TRPC7: variants seen among roughly 807,000 people sequenced by gnomAD.
TRPC7 encodes transient receptor potential cation channel subfamily C member 7.
Under a neutral mutation model 90.1 loss-of-function variants are expected in TRPC7, and 42 were observed. That is an observed-to-expected ratio of 0.47 (90% CI 0.36 to 0.60). The LOEUF is 0.60. Among genes scored for constraint, TRPC7 ranks in the 20% least tolerant of loss-of-function variants. The pLI is 0.00. For missense variants in TRPC7, 955 were observed against 1,112.3 expected (o/e 0.86, Z 2.01); for synonymous variants, 451 against 436.3 (o/e 1.03, Z -0.42).
chr5:136,315,421 G>C (rs989170560), intron 3 of TRPC7, among the ~76,000 whole-genome samples, 176 bp downstream of exon 3: 2 of 152,138 alleles, frequency 1.3e-5, no homozygotes, highest in Non-Finnish European at 2.9e-5. Flanking sequence ...GGAAGGGATG[G>C]TGGAGGGGAT....
chr5:136,352,470 A>G (rs1210300535), intron 2 of TRPC7, among the ~76,000 whole-genome samples: 2 of 152,140 alleles, frequency 1.3e-5, no homozygotes, highest in Admixed American at 6.5e-5. Context: ...ATTTTATCAT[A>G]AAGATGATCA....
chr5:136,259,901 G>C (rs1054453029), intron 5 of TRPC7, among the ~76,000 whole-genome samples: 4 of 152,138 alleles, frequency 2.6e-5, no homozygotes, highest in Non-Finnish European at 5.9e-5. Flanking sequence ...TTGCCTCTCT[G>C]GCTCTGTCTA....
chr5:136,266,063 G>A (rs895946232), intron 5 of TRPC7, among the ~76,000 whole-genome samples, 157 bp downstream of exon 5: 4 of 152,140 alleles, frequency 2.6e-5, no homozygotes, highest in Admixed American at 2.6e-4. Context: ...GTATCTTAAA[G>A]ACAGAAGTTG....
intron 1 of TRPC7, among the ~76,000 whole-genome samples, chr5:136,363,814 T>C (rs1405761996): frequency 6.6e-6 from 1 of 152,194 alleles, no homozygotes; most frequent in Non-Finnish European, 1.5e-5. Context: ...GCTTTGTATG[T>C]GCTTCTATTT....
At chr5:136,337,217 A>T (rs1013869303) in intron 2 of TRPC7, among the ~76,000 whole-genome samples, 1 of 152,180 alleles carries the variant, frequency 6.6e-6, no homozygotes, top group Non-Finnish European at 1.5e-5. Flanking sequence ...TGATGCACAG[A>T]CTCAACAGTA....
chr5:136,241,111 G>C (rs1351284297), intron 7 of TRPC7, among the ~76,000 whole-genome samples: 1 of 152,152 alleles, frequency 6.6e-6, no homozygotes. Context: ...GGCTGAATCA[G>C]TGCCTCCTGA....
At chr5:136,243,239 C>T (rs1756224371) in intron 7 of TRPC7, among the ~76,000 whole-genome samples, 1 of 152,018 alleles carries the variant, frequency 6.6e-6, no homozygotes, top group Non-Finnish European at 1.5e-5. Context: ...TGAAAAAGCT[C>T]CCTGTAGGTT....
chr5:136,264,845 C>A (rs1053186225), intron 5 of TRPC7, among the ~76,000 whole-genome samples: 3 of 152,168 alleles, frequency 2.0e-5, no homozygotes, highest in Non-Finnish European at 4.4e-5. Context: ...CCCCCTTCGG[C>A]CTTCCAAAGT....
intron 2 of TRPC7, among the ~76,000 whole-genome samples, chr5:136,355,729 C>G (rs1418360940): frequency 2.0e-5 from 3 of 152,130 alleles, no homozygotes; most frequent in Non-Finnish European, 4.4e-5. Context: ...ACCCAGGAGG[C>G]AGAGCTTGCA....
chr5:136,237,366 C>A (rs983731605), intron 7 of TRPC7, among the ~76,000 whole-genome samples: 2 of 152,208 alleles, frequency 1.3e-5, no homozygotes, highest in Non-Finnish European at 2.9e-5. Context: ...AGCCTGGGAA[C>A]TCTTGGAGGG....
At chr5:136,315,831 G>A (rs1759003041) in intron 2 of TRPC7, 52 bp from the exon 3 acceptor site, 4 of 1,563,848 alleles carry the variant, frequency 2.6e-6, no homozygotes, top group Non-Finnish European at 3.5e-6. Context: ...CCCGCAGATT[G>A]GCTTGCCCAG....
intron 2 of TRPC7, among the ~76,000 whole-genome samples, chr5:136,324,793 C>T (rs185093849): frequency 7.2e-4 from 110 of 152,290 alleles, no homozygotes; most frequent in Non-Finnish European, 1.4e-3. Flanking sequence ...TTATCCTGAT[C>T]GGTCAAAAGT....
At chr5:136,216,130 G>T in intron 11 of TRPC7, 70 bp downstream of exon 11, 2 of 1,294,632 alleles carry the variant, frequency 1.5e-6, no homozygotes, top group Non-Finnish European at 2.2e-6. Context: ...CACTGTGGCC[G>T]TAGCCCAGTG....
chr5:136,315,550 G>A (rs765825864), intron 3 of TRPC7, 47 bp downstream of exon 3: 61 of 1,597,386 alleles, frequency 3.8e-5, no homozygotes, highest in East Asian at 6.7e-5. Context: ...CAGCAGCCCC[G>A]AGAAGAGAGG....
chr5:136,256,429 C>T (rs1452140881), intron 5 of TRPC7, among the ~76,000 whole-genome samples: 7 of 152,124 alleles, frequency 4.6e-5, no homozygotes, highest in Non-Finnish European at 1.5e-5. Context: ...CTGAATTCCC[C>T]CCATAGAGAG....
chr5:136,321,155 G>T (rs968334665), intron 2 of TRPC7, among the ~76,000 whole-genome samples: 2 of 152,104 alleles, frequency 1.3e-5, no homozygotes, highest in Admixed American at 6.6e-5. Flanking sequence ...AAACAGGTTG[G>T]TCTGACTCAA....
At chr5:136,244,719 G>A (rs1756280881) in intron 7 of TRPC7, among the ~76,000 whole-genome samples, 1 of 152,298 alleles carries the variant, frequency 6.6e-6, no homozygotes, top group African/African-American at 2.4e-5. Flanking sequence ...GATACATTTA[G>A]TTTTACCTTT....
intron 3 of TRPC7, among the ~76,000 whole-genome samples, chr5:136,275,822 T>C (rs1434205866): frequency 2.0e-5 from 3 of 152,176 alleles, no homozygotes; most frequent in Non-Finnish European, 2.9e-5. Context: ...AGAGTTAATA[T>C]GTAACCTTGG....
chr5:136,282,581 C>G (rs1012318330), intron 3 of TRPC7, among the ~76,000 whole-genome samples: 1 of 152,014 alleles, frequency 6.6e-6, no homozygotes, highest in African/African-American at 2.4e-5. Flanking sequence ...GTTTTATACT[C>G]AAAATATGCT....
Sources: allele counts gnomAD v4.1 joint callset (sites outside exome capture counted in the v4.1 genomes callset), GRCh38; gene constraint gnomAD v4.1.1; transcripts MANE v1.5; gene names NCBI Gene and HGNC (gene_info 2026-07-23, HGNC 2026-07-21).